KHDRBS2: variants seen among roughly 807,000 people sequenced by gnomAD.
KHDRBS2 encodes the protein KH RNA binding domain containing, signal transduction associated 2.
Under a neutral mutation model 44.3 loss-of-function variants are expected in KHDRBS2, and 26 were observed. The observed-to-expected ratio is 0.59, with a 90% CI of 0.43 to 0.81. KHDRBS2 has a LOEUF of 0.81. Among genes scored for constraint, KHDRBS2 ranks in the 40% least tolerant of loss-of-function variants. The probability of loss-of-function intolerance (pLI) is 0.00; values close to 1 mark genes in which losing one functional copy is unlikely to be tolerated. For synonymous variants in KHDRBS2, 194 were observed against 151.1 expected, an observed-to-expected ratio of 1.28 and a Z score of -2.08; for missense variants, 476 against 433.1, an observed-to-expected ratio of 1.10 and a Z score of -0.88.
At chr6:61,845,693 C>G (rs1794304443) in intron 6 of KHDRBS2, among the ~76,000 whole-genome samples, 1 of 152,180 alleles carries the variant, frequency 6.6e-6, no homozygotes, top group African/African-American at 2.4e-5. Context: ...TAAACTACTA[C>G]TGGTTGGTTA....
chr6:62,089,390 T>A (rs192389966), intron 2 of KHDRBS2, among the ~76,000 whole-genome samples: 13 of 152,004 alleles, frequency 8.6e-5, no homozygotes, highest in Non-Finnish European at 1.6e-4. Context: ...TCCTGGTCTG[T>A]GGGTTGCGAA....
intron 6 of KHDRBS2, among the ~76,000 whole-genome samples, chr6:61,752,270 C>G (rs1032956297): frequency 6.6e-6 from 1 of 152,060 alleles, no homozygotes; most frequent in Non-Finnish European, 1.5e-5. Context: ...TAGATGACAT[C>G]TGGACTGTTC....
intron 2 of KHDRBS2, among the ~76,000 whole-genome samples, chr6:62,071,373 T>A (rs1429347330): frequency 6.6e-6 from 1 of 152,250 alleles, no homozygotes; most frequent in Admixed American, 6.5e-5. Flanking sequence ...TTTTGGCTTT[T>A]GTTGCCATTG....
intron 2 of KHDRBS2, among the ~76,000 whole-genome samples, chr6:62,131,851 T>G (rs2150090615): frequency 6.6e-6 from 1 of 152,330 alleles, no homozygotes; most frequent in African/African-American, 2.4e-5. Context: ...ATTGTCTCAT[T>G]TTCAATGAAT....
chr6:61,836,863 T>C lies in KHDRBS2; in HGVS notation c.810+57772A>G, dbSNP rs909624283. 3.3e-5 allele frequency among the ~76,000 whole-genome samples: 5 copies of C among 152,150 alleles called. No individual in the cohort carries two copies. The South Asian group carries it at 8.3e-4, about 25-fold the overall frequency. ...GCCAAAGTATTTATACTTCAATTAGTTGGTGTTGACAAGAGGCTTACGATT... is the reference window on the plus strand; with the variant it reads ...GCCAAAGTATTTATACTTCAATTAGCTGGTGTTGACAAGAGGCTTACGATT... On this transcript the variant is annotated intron_variant, in intron 6 of 8. Coordinates refer to ENST00000281156, the MANE Select transcript of KHDRBS2 (RefSeq NM_152688.4).
chr6:61,747,729 T>C (rs1777068800), intron 6 of KHDRBS2, among the ~76,000 whole-genome samples: 1 of 152,202 alleles, frequency 6.6e-6, no homozygotes. Flanking sequence ...ATTCTTATCA[T>C]TGGAAATATA....
the KHDRBS2 span, among the ~76,000 whole-genome samples, chr6:61,638,842 A>T: frequency 4.4e-4 from 67 of 152,254 alleles, no homozygotes; most frequent in East Asian, 0.011. Context: ...TAATGTATCT[A>T]TCTTTAATAG....
chr6:61,593,645 A>T, the KHDRBS2 span, among the ~76,000 whole-genome samples: 3 of 130,012 alleles, frequency 2.3e-5, no homozygotes, highest in Non-Finnish European at 5.0e-5. Flanking sequence ...TGTCATATAG[A>T]TTATTTTTAA....
At chr6:62,086,880 C>A (rs2127359844) in intron 2 of KHDRBS2, among the ~76,000 whole-genome samples, 1 of 150,644 alleles carries the variant, frequency 6.6e-6, no homozygotes, top group East Asian at 2.0e-4. Flanking sequence ...GGATCCATTT[C>A]ATCATACTGA....
chr6:61,688,572 G>T (rs1482564067), intron 8 of KHDRBS2, among the ~76,000 whole-genome samples: 1 of 151,862 alleles, frequency 6.6e-6, no homozygotes, highest in East Asian at 1.9e-4. Flanking sequence ...CATAGACAGA[G>T]ATTACATTTG....
Position 62,214,244 on chromosome 6 carries a change from A to G in KHDRBS2, c.92-36932T>C, listed in dbSNP as rs571749593. Among the ~76,000 whole-genome samples, 8 of 152,286 alleles carry G rather than the reference A, an allele frequency of 5.3e-5. No individual in the cohort carries two copies. The East Asian group carries it at 1.4e-3, about 26-fold the overall frequency. ...TACCCTTTACTTTTTCAACCACAGT[A>G]TAGACATTTTATATCATTCTTCCAT... On this transcript the variant is annotated intron_variant, in intron 1 of 8. Transcript: ENST00000281156.
intron 1 of KHDRBS2, among the ~76,000 whole-genome samples, chr6:62,240,082 A>T (rs1214326726): frequency 6.6e-6 from 1 of 152,130 alleles, no homozygotes; most frequent in Non-Finnish European, 1.5e-5. Flanking sequence ...TATATCACAC[A>T]CCAGTTGCTC....
At chr6:61,929,103 A>G (rs538939662) in intron 4 of KHDRBS2, among the ~76,000 whole-genome samples, 8 of 152,168 alleles carry the variant, frequency 5.3e-5, no homozygotes, top group Admixed American at 3.9e-4. Flanking sequence ...AGGAAGTACA[A>G]TATCAATCTA....
chr6:61,901,124 C>G, intron 5 of KHDRBS2, 120 bp downstream of exon 5: 1 of 882,468 alleles, frequency 1.1e-6, no homozygotes, highest in Non-Finnish European at 1.7e-6. Context: ...ATTGTTTTTG[C>G]TGTGGTGGTA....
intron 1 of KHDRBS2, among the ~76,000 whole-genome samples, chr6:62,254,394 T>C (rs1355616721): frequency 6.6e-6 from 1 of 151,992 alleles, no homozygotes; most frequent in African/African-American, 2.4e-5. Flanking sequence ...ATTTAAGACA[T>C]TTAAGTTAGT....
chr6:61,762,450 T>A (rs1449004737), intron 6 of KHDRBS2, among the ~76,000 whole-genome samples: 2 of 152,200 alleles, frequency 1.3e-5, no homozygotes, highest in Non-Finnish European at 2.9e-5. Context: ...GGCAGATTCC[T>A]CATGAATGGC....
At chr6:62,170,224 G>A (rs1476431462) in intron 2 of KHDRBS2, among the ~76,000 whole-genome samples, 1 of 152,020 alleles carries the variant, frequency 6.6e-6, no homozygotes, top group South Asian at 2.1e-4. Context: ...GCAGGGAGGA[G>A]CCTTCACTGA....
the KHDRBS2 span, among the ~76,000 whole-genome samples, chr6:61,674,428 A>G: frequency 6.6e-6 from 1 of 151,740 alleles, no homozygotes; most frequent in Non-Finnish European, 1.5e-5. Flanking sequence ...TGGCTTTGCT[A>G]TACATCTTAG....
At chr6:61,718,728 C>T (rs1771849921) in intron 7 of KHDRBS2, among the ~76,000 whole-genome samples, 1 of 152,090 alleles carries the variant, frequency 6.6e-6, no homozygotes, top group Non-Finnish European at 1.5e-5. Flanking sequence ...GGTGGCCTCT[C>T]CCACAGCTTT....
Sources: allele counts gnomAD v4.1 joint callset (sites outside exome capture counted in the v4.1 genomes callset), GRCh38; gene constraint gnomAD v4.1.1; transcripts MANE v1.5; gene names NCBI Gene and HGNC (gene_info 2026-07-23, HGNC 2026-07-21).